MAEA: variants seen among roughly 807,000 people sequenced by gnomAD.
The protein encoded by MAEA is macrophage erythroblast attacher, E3 ubiquitin ligase, also known as E3 ubiquitin-protein transferase MAEA.
MAEA carries 22 observed loss-of-function variants against 46.2 expected under a neutral mutation model. That is an observed-to-expected ratio of 0.48 (90% CI 0.34 to 0.68). The LOEUF (loss-of-function observed/expected upper bound fraction) is 0.68, where lower values mean the gene tolerates loss of function less well. MAEA is among the 30% of genes least tolerant of loss of function. The pLI is 0.01. For missense variants in MAEA, 393 were observed against 558.1 expected (o/e 0.70, Z 2.98); for synonymous variants, 246 against 222.6 (o/e 1.11, Z -0.94).
chr4:1,327,188 G>A (rs994115252), intron 4 of MAEA, among the ~76,000 whole-genome samples: 25 of 152,264 alleles, frequency 1.6e-4, no homozygotes, highest in Admixed American at 9.8e-4. Flanking sequence ...CTACATTCGG[G>A]ATAGTTGGGT....
In MAEA at chr4:1,311,472, C is replaced by T. The variant is rs778570176; in HGVS notation, c.70-507C>T. 7.2e-5 allele frequency among the ~76,000 whole-genome samples: 11 copies of T among 152,314 alleles called. No homozygotes were observed. The highest frequency in any genetic ancestry group is 1.0e-4 in the Non-Finnish European group (7 of 68,034). On this transcript the variant is annotated intron_variant, in intron 1 of 8. Coordinates refer to ENST00000303400, the MANE Select transcript of MAEA (RefSeq NM_001017405.3). The surrounding 1 kb of genome is among the most constrained non-coding windows in gnomAD (Gnocchi z 4.4). ...GCTGTCACACAGGAGAGGTGTGGGT[C>T]GTGCACTTGTGGCTTCCCGTGCGTG...
intron 1 of MAEA, among the ~76,000 whole-genome samples, chr4:1,295,861 C>T (rs1316313339): frequency 8.5e-6 from 1 of 117,584 alleles, no homozygotes. Context: ...GCCCACCACA[C>T]CTGCGCCTTT....
rs1447088974 is a variant in MAEA at position 1,339,551 on chromosome 4, G to A, written c.*382G>A. 4.1e-6 allele frequency: 1 copy of A among 243,166 alleles called. No homozygotes were observed. The highest frequency in any genetic ancestry group is 1.6e-3 in the Middle Eastern group (1 of 610). 15.1% of individuals were successfully genotyped at this position (243,166 alleles called of 1,614,324 possible). A position where few individuals can be genotyped will look rare whatever the true frequency, so the allele number is the denominator to read the frequency against. Reference sequence around the variant, plus strand: ...CTGTGAACGATGAGACTTGGAGAACGGGCTGGTCCTTCACCACTTCCTGTT... The same window carrying A: ...CTGTGAACGATGAGACTTGGAGAACAGGCTGGTCCTTCACCACTTCCTGTT... On this transcript the variant is annotated 3_prime_UTR_variant, in exon 9 of 9. Coordinates refer to ENST00000303400, the MANE Select transcript of MAEA (RefSeq NM_001017405.3).
At chr4:1,320,597 G>C (rs549439794) in intron 3 of MAEA, among the ~76,000 whole-genome samples, 1 of 144,502 alleles carries the variant, frequency 6.9e-6, no homozygotes, top group East Asian at 2.1e-4. Context: ...AGAAATCAAA[G>C]CAAACGTGCA....
chr4:1,299,580 G>A (rs1437425769), intron 1 of MAEA: 1 of 150,164 alleles, frequency 6.7e-6, no homozygotes, highest in Non-Finnish European at 1.5e-5. Context: ...TGGCTCCCAG[G>A]CCCTTTGCCC....
At chr4:1,327,739 G>C (rs773163037) in intron 5 of MAEA, 36 bp downstream of exon 5, 1 of 1,590,420 alleles carries the variant, frequency 6.3e-7, no homozygotes, top group East Asian at 2.2e-5. Flanking sequence ...TCGAGGGAGG[G>C]CAGGATGTTC....
intron 1 of MAEA, among the ~76,000 whole-genome samples, chr4:1,301,542 A>C (rs1201020984): frequency 6.6e-6 from 1 of 152,254 alleles, no homozygotes; most frequent in African/African-American, 2.4e-5. Flanking sequence ...CCAGAATTTA[A>C]AAGCAAATAC....
intron 7 of MAEA, chr4:1,337,589 T>C: frequency 5.7e-6 from 1 of 175,598 alleles, no homozygotes; most frequent in Non-Finnish European, 1.2e-5. Context: ...TTCCTGTGAC[T>C]GACTCTGTCC....
chr4:1,319,615 A>G (rs536661002), intron 3 of MAEA, among the ~76,000 whole-genome samples: 6 of 152,208 alleles, frequency 3.9e-5, no homozygotes, highest in Admixed American at 3.9e-4. Context: ...GCAAAACTAC[A>G]AAACAAGGCC....
chr4:1,306,916 G>T (rs1203135554), intron 1 of MAEA, among the ~76,000 whole-genome samples: 2 of 152,198 alleles, frequency 1.3e-5, no homozygotes, highest in Non-Finnish European at 2.9e-5. Context: ...TGTCCTGGCT[G>T]TTGCAGAGAC....
intron 1 of MAEA, among the ~76,000 whole-genome samples, chr4:1,306,043 C>G (rs1032916406): frequency 1.3e-5 from 2 of 152,234 alleles, no homozygotes; most frequent in African/African-American, 4.8e-5. Context: ...CCTTTCCCTT[C>G]AGGTCCTCAG....
At chr4:1,298,202 C>T (rs949997225) in intron 1 of MAEA, 4 of 399,740 alleles carry the variant, frequency 1.0e-5, no homozygotes, top group Non-Finnish European at 2.0e-5. Flanking sequence ...CCCTGTCTGT[C>T]GCCTGCCTGC....
Position 1,332,846 on chromosome 4 carries a change from C to A in MAEA, c.746C>A (p.Thr249Lys). The A allele has an allele frequency of 6.2e-7, 1 of 1,612,874 alleles. No individual in the cohort carries two copies. Among genetic ancestry groups the A allele is most frequent in the Non-Finnish European group, 8.5e-7 (1 of 1,179,632 alleles). Residue 249 changes from threonine (T) to lysine (K), a missense_variant, in exon 6 of 9, where the codon ACG becomes AAG. Thr to Lys is a moderately conservative substitution (Grantham distance 78). Coordinates refer to ENST00000303400, the MANE Select transcript of MAEA (RefSeq NM_001017405.3). The part of the protein sequence containing the change: ...AMGMLAFPPD[T>K]HISPYKDLLD... ...GGCATGCTGGCCTTCCCGCCCGACA[C>A]GCACATCTCCCCGTACAAGGTAGGG...
At chr4:1,305,273 C>T (rs1233903446) in intron 1 of MAEA, among the ~76,000 whole-genome samples, 2 of 152,318 alleles carry the variant, frequency 1.3e-5, no homozygotes, top group East Asian at 1.9e-4. Flanking sequence ...CAAGTGGTCC[C>T]TGTGGAAAGC....
intron 3 of MAEA, among the ~76,000 whole-genome samples, chr4:1,318,226 C>T (rs1026697233): frequency 6.6e-6 from 1 of 152,262 alleles, no homozygotes; most frequent in Non-Finnish European, 1.5e-5. Context: ...GCCCAGCACA[C>T]TGTCCTTGGG....
intron 4 of MAEA, among the ~76,000 whole-genome samples, chr4:1,326,891 C>A (rs1035290879): frequency 1.3e-5 from 2 of 152,244 alleles, no homozygotes; most frequent in Admixed American, 6.5e-5. Context: ...GCAGGCGCTC[C>A]CCGCCCTACC....
chr4:1,314,777 C>T (rs1407647213), intron 2 of MAEA, among the ~76,000 whole-genome samples: 2 of 152,348 alleles, frequency 1.3e-5, no homozygotes, highest in East Asian at 1.9e-4. Flanking sequence ...GACAGCCGGA[C>T]AGCTGATTTC....
At chr4:1,331,155 C>T (rs1711740187) in intron 5 of MAEA, 1 of 150,856 alleles carries the variant, frequency 6.6e-6, no homozygotes, top group Non-Finnish European at 1.5e-5. Flanking sequence ...GACTCAGACC[C>T]ACGCCCACCC....
chr4:1,322,257 A>G, intron 3 of MAEA, 124 bp from the exon 4 acceptor site: 1 of 1,328,532 alleles, frequency 7.5e-7, no homozygotes, highest in Non-Finnish European at 1.1e-6. Context: ...CACAGTGTGG[A>G]CTGGAGATGC....
Sources: allele counts gnomAD v4.1 joint callset (sites outside exome capture counted in the v4.1 genomes callset), GRCh38; gene constraint gnomAD v4.1.1; non-coding constraint Gnocchi (gnomAD v3.1); transcripts MANE v1.5; gene names NCBI Gene and HGNC (gene_info 2026-07-23, HGNC 2026-07-21).